WNT7A: variants seen among roughly 807,000 people sequenced by gnomAD.
WNT7A encodes Wnt family member 7A.
A neutral mutation model predicts 28.2 loss-of-function variants in WNT7A; 16 were observed. The observed-to-expected ratio is 0.57, with a 90% CI of 0.38 to 0.86. The LOEUF (loss-of-function observed/expected upper bound fraction) is 0.86, where lower values mean the gene tolerates loss of function less well. WNT7A is among the 40% of genes least tolerant of loss of function. The pLI, the probability that WNT7A is intolerant of heterozygous loss-of-function variation, is 0.00. For synonymous variants in WNT7A, 190 were observed against 195.9 expected, an observed-to-expected ratio of 0.97 and a Z score of 0.25; for missense variants, 411 against 489.7, an observed-to-expected ratio of 0.84 and a Z score of 1.52.
chr3:13,866,395 G>T (rs945941570), intron 2 of WNT7A, among the ~76,000 whole-genome samples: 2 of 152,194 alleles, frequency 1.3e-5, no homozygotes, highest in African/African-American at 4.8e-5. Flanking sequence ...ACTCCCGTTT[G>T]GTCAAGGCCC....
rs59383278 is a variant in WNT7A at position 13,833,371 on chromosome 3, G to T, written c.571-13948C>A. ...CCCACATACTTCCCGGCACACAAGC[G>T]CACACACACACACCCTCAAACATGA... On this transcript the variant is annotated intron_variant, in intron 3 of 3. Coordinates refer to ENST00000285018, the MANE Select transcript of WNT7A (RefSeq NM_004625.4). 5.4e-3 allele frequency among the ~76,000 whole-genome samples: 828 copies of T among 151,970 alleles called. 9 individuals carry two copies. Among genetic ancestry groups the T allele is most frequent in the African/African-American group, 0.018 (739 of 41,432 alleles).
chr3:13,860,615 G>T (rs1395080974), intron 2 of WNT7A, among the ~76,000 whole-genome samples: 1 of 152,142 alleles, frequency 6.6e-6, no homozygotes, highest in South Asian at 2.1e-4. Context: ...GGAAACTGAG[G>T]CTTGGGGAGA....
In WNT7A at chr3:13,816,672, A is replaced by T. The variant is rs1575056224; in HGVS notation, c.*2272T>A. ...TGCTCACTTACCTATCTGTAGGTGT[A>T]CCTACCTCATCAACCCACCCTCATC... On this transcript the variant is annotated 3_prime_UTR_variant, in exon 4 of 4. Coordinates refer to ENST00000285018, the MANE Select transcript of WNT7A (RefSeq NM_004625.4). 1 of 152,174 alleles carries T rather than the reference A, an allele frequency of 6.6e-6. No individual in the cohort carries two copies. The highest frequency in any genetic ancestry group is 6.5e-5 in the Admixed American group (1 of 15,278). 9.4% of individuals were successfully genotyped at this position (152,174 alleles called of 1,614,324 possible).
At chr3:13,879,050 C>A (rs749020720) in intron 1 of WNT7A, among the ~76,000 whole-genome samples, 1 of 152,196 alleles carries the variant, frequency 6.6e-6, no homozygotes, top group Non-Finnish European at 1.5e-5. Context: ...CTCTCTCTAG[C>A]GCTTGTCTCC....
chr3:13,831,683 C>A (rs887079586), intron 3 of WNT7A, among the ~76,000 whole-genome samples: 1 of 152,144 alleles, frequency 6.6e-6, no homozygotes, highest in African/African-American at 2.4e-5. Context: ...GACCACTCCC[C>A]CTCCCTGGGC....
intron 1 of WNT7A, among the ~76,000 whole-genome samples, chr3:13,878,019 G>C (rs1419524651): frequency 2.0e-5 from 3 of 152,192 alleles, no homozygotes; most frequent in Non-Finnish European, 4.4e-5. Flanking sequence ...GGGAGCAGCA[G>C]GGCCTGGCCC....
chr3:13,868,864 AAG>A (rs1252789231), intron 2 of WNT7A, among the ~76,000 whole-genome samples: 6 of 81,740 alleles, frequency 7.3e-5, no homozygotes, highest in African/African-American at 1.7e-4. Context: ...GAGAGAGAGA[AAG>A]AGACAGAGGG....
At chr3:13,847,674 C>T (rs987337465) in intron 3 of WNT7A, among the ~76,000 whole-genome samples, 2 of 152,164 alleles carry the variant, frequency 1.3e-5, no homozygotes, top group African/African-American at 4.8e-5. Context: ...CAGAACCTTT[C>T]AGACATTACG....
chr3:13,866,602 G>A (rs1194823459), intron 2 of WNT7A, among the ~76,000 whole-genome samples: 3 of 152,206 alleles, frequency 2.0e-5, no homozygotes, highest in African/African-American at 7.2e-5. Context: ...GCTGACAGGT[G>A]AGTAGAGGAT....
chr3:13,849,569 C>G (rs1694595620), intron 3 of WNT7A, among the ~76,000 whole-genome samples: 1 of 152,068 alleles, frequency 6.6e-6, no homozygotes, highest in African/African-American at 2.4e-5. Context: ...GAACTTAGGC[C>G]ATCACTACCC....
intron 3 of WNT7A, among the ~76,000 whole-genome samples, chr3:13,822,085 T>C (rs1454793316): frequency 6.6e-6 from 1 of 152,192 alleles, no homozygotes; most frequent in Non-Finnish European, 1.5e-5. Flanking sequence ...CAATAACAAG[T>C]GTCGGCGAGG....
intron 3 of WNT7A, 49 bp from the exon 4 acceptor site, chr3:13,819,472 G>A (rs1694077212): frequency 6.3e-7 from 1 of 1,593,872 alleles, no homozygotes; most frequent in Non-Finnish European, 8.5e-7. Context: ...TGCACGCCAA[G>A]GCCAAGTGCA....
chr3:13,821,888 C>T (rs974528298), intron 3 of WNT7A, among the ~76,000 whole-genome samples: 2 of 152,300 alleles, frequency 1.3e-5, no homozygotes, highest in East Asian at 3.9e-4. Context: ...TGTAACTATT[C>T]TTTTAAGTGA....
intron 2 of WNT7A, among the ~76,000 whole-genome samples, chr3:13,864,611 T>C (rs926121875): frequency 1.3e-5 from 2 of 152,210 alleles, no homozygotes; most frequent in Admixed American, 1.3e-4. Flanking sequence ...AGACAGAGCC[T>C]GCACCCCAGC....
intron 2 of WNT7A, among the ~76,000 whole-genome samples, chr3:13,857,116 T>C (rs1694759302): frequency 6.6e-6 from 1 of 152,034 alleles, no homozygotes; most frequent in African/African-American, 2.4e-5. Context: ...GGTCCAGCAA[T>C]AAAACCCAAC....
intron 2 of WNT7A, among the ~76,000 whole-genome samples, chr3:13,871,520 C>A (rs931734912): frequency 4.6e-5 from 7 of 152,194 alleles, no homozygotes; most frequent in Non-Finnish European, 8.8e-5. Context: ...TCCTAGCAGG[C>A]CTTTAGGTTG....
At chr3:13,868,690 GAGAAAGAAAGAAAGAAAGAAAGAA>G (rs1220632576) in intron 2 of WNT7A, among the ~76,000 whole-genome samples, 15 of 19,770 alleles carry the variant, frequency 7.6e-4, no homozygotes, top group African/African-American at 2.4e-3. Flanking sequence ...GAGAGAGAGA[GAGAAAGAAAGAAAGAAAGAAAGAA>G]AGAAAGAAAG....
intron 3 of WNT7A, among the ~76,000 whole-genome samples, chr3:13,847,737 T>C (rs955846733): frequency 1.3e-5 from 2 of 149,096 alleles, no homozygotes; most frequent in African/African-American, 2.5e-5. Context: ...ATGCCTCTTA[T>C]GTGGGGCGCC....
At position 13,854,674 on chromosome 3, in the gene WNT7A, C is replaced by G; in HGVS notation, c.428G>C (p.Arg143Pro). 1 of 1,614,172 alleles carries G rather than the reference C, an allele frequency of 6.2e-7. No individual in the cohort carries two copies. Among genetic ancestry groups the G allele is most frequent in the Non-Finnish European group, 8.5e-7 (1 of 1,180,036 alleles). The change falls in exon 3 of 4, where the codon CGG (arginine) becomes CCG (proline). Residue 143 changes from arginine (R) to proline (P), a missense_variant. Transcript: ENST00000285018. ...CDKEKQGQYH[R>P]DEGWKWGGCS... Reference sequence around the variant, plus strand: ...GCCACCCCACTTCCAGCCCTCGTCCCGGTGGTACTGGCCTTGCTTCTCTTT... The same window carrying G: ...GCCACCCCACTTCCAGCCCTCGTCCGGGTGGTACTGGCCTTGCTTCTCTTT...
Sources: gnomAD v4.1 joint callset for allele counts (sites outside exome capture counted in the v4.1 genomes callset) on GRCh38, gnomAD v4.1.1 for gene constraint, MANE v1.5 for transcripts, NCBI Gene and HGNC (gene_info 2026-07-23, HGNC 2026-07-21) for gene names.